Variants in DCTN2 observed in about 807,000 individuals in gnomAD.
DCTN2 encodes 50 kDa dynein-associated polypeptide.
Under a neutral mutation model 55.4 loss-of-function variants are expected in DCTN2, and 18 were observed. The ratio of observed to expected loss-of-function variants is 0.32; its 90% CI spans 0.22 to 0.48. The LOEUF (loss-of-function observed/expected upper bound fraction) is 0.48, where lower values mean the gene tolerates loss of function less well. Among genes scored for constraint, DCTN2 ranks in the 20% least tolerant of loss-of-function variants. The pLI is 0.99. For synonymous variants in DCTN2, 168 were observed against 185.2 expected, an observed-to-expected ratio of 0.91 and a Z score of 0.76; for missense variants, 390 against 491.0, an observed-to-expected ratio of 0.79 and a Z score of 1.94.
intron 2 of DCTN2, among the ~76,000 whole-genome samples, chr12:57,539,645 A>G (rs1880529806): frequency 6.6e-6 from 1 of 152,166 alleles, no homozygotes; most frequent in Non-Finnish European, 1.5e-5. Context: ...GGGATTAAAA[A>G]CAAGTGCTTC....
At chr12:57,531,007 A>G (rs923548962) in intron 13 of DCTN2, among the ~76,000 whole-genome samples, 4 of 152,230 alleles carry the variant, frequency 2.6e-5, no homozygotes, top group Non-Finnish European at 4.4e-5. Context: ...CTTCAGCCAG[A>G]ACAGTTTTTT....
Position 57,547,078 on chromosome 12 carries a change from G to A in DCTN2, c.-15C>T, listed in dbSNP as rs553831731. On this transcript the variant is annotated 5_prime_UTR_variant, in exon 1 of 14. Transcript: ENST00000548249. ...GGGTCCGCCATGGCGGCGGCGAGAC[G>A]GGCTGGGGGACCCGGGCCTCGGTGG... 7.9e-7 allele frequency: 1 copy of A among 1,267,854 alleles called. No individual in the cohort carries two copies. Among genetic ancestry groups the A allele is most frequent in the Non-Finnish European group, 1.0e-6 (1 of 998,716 alleles). 78.5% of individuals were successfully genotyped at this position (1,267,854 alleles called of 1,614,324 possible).
In DCTN2 at chr12:57,530,660, A is replaced by G. The variant is rs773228367; in HGVS notation, c.*29T>C. 2 of 1,574,420 alleles carry G rather than the reference A, an allele frequency of 1.3e-6. No homozygotes were observed. Among genetic ancestry groups the G allele is most frequent in the East Asian group, 4.5e-5 (2 of 44,646 alleles). ...TAACAGAGTTCACAGGGGTAGGGAT[A>G]ACCCCTGTTCTCCAGCTCCCAAATG... On this transcript the variant is annotated 3_prime_UTR_variant, in exon 14 of 14. Transcript: ENST00000548249.
At chr12:57,541,495 G>T in intron 2 of DCTN2, 1 of 993,948 alleles carries the variant, frequency 1.0e-6, no homozygotes, top group Non-Finnish European at 1.5e-6. Flanking sequence ...CTTCTAAACT[G>T]TAAGGAAGTA....
intron 1 of DCTN2, 61 bp from the exon 2 acceptor site, chr12:57,546,157 C>T (rs778621392): frequency 9.3e-5 from 139 of 1,489,152 alleles, no homozygotes; most frequent in Non-Finnish European, 1.3e-4. Flanking sequence ...CACCCCTTCC[C>T]CCACTCCATT....
chr12:57,546,148 A>C, intron 1 of DCTN2, 52 bp from the exon 2 acceptor site: 2 of 1,518,828 alleles, frequency 1.3e-6, no homozygotes, highest in Non-Finnish European at 9.1e-7. Flanking sequence ...ATCCAACAAC[A>C]CCCCTTCCCC....
chr12:57,546,221 C>T (rs1481097082), intron 1 of DCTN2, 125 bp from the exon 2 acceptor site: 10 of 821,286 alleles, frequency 1.2e-5, no homozygotes, highest in Non-Finnish European at 1.8e-5. Context: ...GTCCTTTCTC[C>T]TCCACCTGCC....
intron 7 of DCTN2, among the ~76,000 whole-genome samples, chr12:57,533,641 G>A (rs1253341363): frequency 1.3e-5 from 2 of 152,018 alleles, no homozygotes; most frequent in Non-Finnish European, 2.9e-5. Context: ...CGTGGTGGCA[G>A]GTGCCTGTAG....
chr12:57,544,361 T>C (rs1015946676), intron 2 of DCTN2, among the ~76,000 whole-genome samples: 1 of 152,094 alleles, frequency 6.6e-6, no homozygotes, highest in African/African-American at 2.4e-5. Flanking sequence ...GTAAATGCTA[T>C]GTAAATAGTT....
intron 2 of DCTN2, among the ~76,000 whole-genome samples, chr12:57,543,367 AAG>A (rs1880872275): frequency 1.3e-5 from 2 of 150,136 alleles, no homozygotes; most frequent in African/African-American, 5.0e-5. Flanking sequence ...AAGAAAAAAA[AAG>A]AAGGTGACTG....
At chr12:57,541,979 G>GA (rs1269587647) in intron 2 of DCTN2, among the ~76,000 whole-genome samples, 1 of 152,160 alleles carries the variant, frequency 6.6e-6, no homozygotes, top group African/African-American at 2.4e-5. Flanking sequence ...AGGGATAGTA[G>GA]AAAAATCAGG....
chr12:57,534,230 G>T (rs754366355), intron 6 of DCTN2, 62 bp downstream of exon 6: 1 of 1,529,000 alleles, frequency 6.5e-7, no homozygotes, highest in Non-Finnish European at 8.8e-7. Flanking sequence ...CCTGTCAGTA[G>T]CTGGCTGAGT....
At chr12:57,532,373 C>G (rs1879814823) in intron 11 of DCTN2, 58 bp from the exon 12 acceptor site, 8 of 1,451,106 alleles carry the variant, frequency 5.5e-6, no homozygotes, top group Middle Eastern at 2.0e-4. Flanking sequence ...TCAGTATGTA[C>G]AGACTGCTAT....
At chr12:57,537,715 A>G (rs1287915384) in intron 2 of DCTN2, among the ~76,000 whole-genome samples, 1 of 152,198 alleles carries the variant, frequency 6.6e-6, no homozygotes, top group Non-Finnish European at 1.5e-5. Context: ...GCTATAGATC[A>G]AGGGAAAACA....
chr12:57,531,106 G>C (rs1879657021), intron 13 of DCTN2, among the ~76,000 whole-genome samples: 2 of 152,302 alleles, frequency 1.3e-5, no homozygotes, highest in South Asian at 4.1e-4. Context: ...TGCTCTGGAG[G>C]AAAAGGATAT....
chr12:57,535,899 T>C, intron 2 of DCTN2, 54 bp from the exon 3 acceptor site: 1 of 1,383,580 alleles, frequency 7.2e-7, no homozygotes, highest in South Asian at 1.2e-5. Context: ...CTCTAGAACT[T>C]ACTCTACCCC....
intron 3 of DCTN2, 25 bp downstream of exon 3, chr12:57,535,724 C>A (rs148592832): frequency 3.6e-5 from 58 of 1,597,416 alleles, no homozygotes; most frequent in South Asian, 2.8e-4. Flanking sequence ...GTCTTCCCCC[C>A]ACCCAGCTTC....
rs1412464058 is a variant in DCTN2, at chr12:57,533,987, C to T, written c.635G>A (p.Arg212Gln). The T allele has an allele frequency of 3.7e-6, 6 of 1,613,306 alleles. No individual in the cohort carries two copies. The highest frequency in any genetic ancestry group is 1.1e-5 in the South Asian group (1 of 90,962). ...SSLVTYELHS[R>Q]PEQDKFSQAA... The stretch of plus-strand genomic sequence containing the variant: ...TTGAGAGAACTTGTCCTGCTCAGGC[C>T]GAGAATGTAGTTCATAAGTGACAAG... Residue 212 changes from arginine (R) to glutamine (Q), a missense_variant, in exon 7 of 14, where the codon CGG (arginine) becomes CAG (glutamine). Arg to Gln is a conservative substitution (Grantham distance 43). Around this residue, in one of 2 missense-constraint regions of DCTN2, gnomAD observed 273 missense variants for 303.2 expected, o/e 0.90. Coordinates refer to ENST00000548249, the MANE Select transcript of DCTN2 (RefSeq NM_001261413.2).
At chr12:57,542,878 G>A (rs1880812889) in intron 2 of DCTN2, 1 of 455,882 alleles carries the variant, frequency 2.2e-6, no homozygotes, top group South Asian at 1.5e-5. Flanking sequence ...TATCCATATT[G>A]GTTGTCTCTA....
Sources: allele counts gnomAD v4.1 joint callset (sites outside exome capture counted in the v4.1 genomes callset), GRCh38; gene constraint gnomAD v4.1.1; regional missense constraint gnomAD v4.1.1; transcripts MANE v1.5; gene names NCBI Gene and HGNC (gene_info 2026-07-23, HGNC 2026-07-21).